Variants in CPA6 observed in about 807,000 individuals in gnomAD.
The protein encoded by CPA6 is carboxypeptidase B.
In CPA6, 58 loss-of-function variants were observed where a neutral mutation model predicts 63.3. The ratio of observed to expected loss-of-function variants is 0.92; its 90% CI spans 0.74 to 1.14. CPA6 has a LOEUF of 1.14. CPA6 is among the 50% of genes most tolerant of loss of function. The pLI is 0.00. For missense variants in CPA6, 565 were observed against 526.6 expected (o/e 1.07, Z -0.71); for synonymous variants, 185 against 179.0 (o/e 1.03, Z -0.27).
chr8:67,670,736 C>T (rs887740539), intron 1 of CPA6, among the ~76,000 whole-genome samples: 5 of 152,064 alleles, frequency 3.3e-5, no homozygotes, highest in African/African-American at 7.2e-5. Context: ...TGTACAAAGA[C>T]GCAAATCAAC....
At chr8:67,721,875 A>G (rs1332341806) in intron 1 of CPA6, among the ~76,000 whole-genome samples, 2 of 152,222 alleles carry the variant, frequency 1.3e-5, no homozygotes, top group Admixed American at 6.5e-5. Context: ...TTCTCCGTAC[A>G]TAGGGAACCT....
chr8:67,734,571 C>CT (rs555966942), intron 1 of CPA6, among the ~76,000 whole-genome samples: 4 of 152,130 alleles, frequency 2.6e-5, no homozygotes, highest in Non-Finnish European at 5.9e-5. Flanking sequence ...CATATGTATC[C>CT]TTTTTTCTGC....
intron 2 of CPA6, among the ~76,000 whole-genome samples, chr8:67,583,020 T>C (rs1434056755): frequency 6.6e-6 from 1 of 152,158 alleles, no homozygotes; most frequent in Non-Finnish European, 1.5e-5. Context: ...AACATGAGGA[T>C]CAAGTATTGA....
At chr8:67,448,728 T>A (rs1466366541) in intron 8 of CPA6, among the ~76,000 whole-genome samples, 1 of 150,710 alleles carries the variant, frequency 6.6e-6, no homozygotes, top group Non-Finnish European at 1.5e-5. Flanking sequence ...AAAGAAAGTT[T>A]TCCCTATCCT....
chr8:67,707,882 C>A (rs1028632522), intron 1 of CPA6, among the ~76,000 whole-genome samples: 2 of 151,042 alleles, frequency 1.3e-5, no homozygotes, highest in Admixed American at 1.3e-4. Flanking sequence ...CCACTGTACT[C>A]CAGCCTGGGC....
At chr8:67,642,379 A>T (rs1171274165) in intron 1 of CPA6, among the ~76,000 whole-genome samples, 1 of 152,176 alleles carries the variant, frequency 6.6e-6, no homozygotes, top group East Asian at 1.9e-4. Context: ...GACACACCAT[A>T]TTCACATATT....
At chr8:67,629,150 CA>C (rs199756166) in intron 1 of CPA6, among the ~76,000 whole-genome samples, 8,014 of 151,394 alleles carry the variant, frequency 0.053, 465 homozygotes, top group African/African-American at 0.15. Context: ...AAAAAACAAA[CA>C]AAAAAAATCA....
chr8:67,641,854 G>C (rs975251805), intron 1 of CPA6, among the ~76,000 whole-genome samples: 1 of 151,954 alleles, frequency 6.6e-6, no homozygotes, highest in Non-Finnish European at 1.5e-5. Context: ...ACTAGTGAGA[G>C]AATTAGCATG....
At chr8:67,739,685 G>A (rs1331725377) in intron 1 of CPA6, among the ~76,000 whole-genome samples, 2 of 152,182 alleles carry the variant, frequency 1.3e-5, no homozygotes. Flanking sequence ...GTTTCAGGGT[G>A]TAGGATAAGT....
intron 2 of CPA6, among the ~76,000 whole-genome samples, chr8:67,541,799 T>C (rs924980577): frequency 6.6e-6 from 1 of 152,208 alleles, no homozygotes; most frequent in African/African-American, 2.4e-5. Flanking sequence ...CAGCCCACCC[T>C]GCTTTGGCTC....
chr8:67,725,192 T>A (rs1207995236), intron 1 of CPA6, among the ~76,000 whole-genome samples: 1 of 152,226 alleles, frequency 6.6e-6, no homozygotes, highest in African/African-American at 2.4e-5. Flanking sequence ...ATATCATAGC[T>A]GTTGTAAGAG....
chr8:67,500,043 C>A (rs1300482383), intron 6 of CPA6, among the ~76,000 whole-genome samples: 1 of 152,144 alleles, frequency 6.6e-6, no homozygotes, highest in African/African-American at 2.4e-5. Context: ...TACAGTAGTT[C>A]CATGCCTAGT....
At position 67,487,623 on chromosome 8, in the gene CPA6, C is replaced by T. The variant is rs368074918; in HGVS notation, c.637-2834G>A. On this transcript the variant is annotated intron_variant, in intron 6 of 10. Transcript: ENST00000297770. ...TTCTAGTTCTAGATCCTTGAGGAAT[C>T]GCCACATTGTCTTCCACAATCGTTG... is the stretch of plus-strand genomic sequence containing the variant. 2.2e-4 allele frequency among the ~76,000 whole-genome samples: 33 copies of T among 152,296 alleles called. No individual in the cohort carries two copies. The East Asian group carries it at 4.0e-3, about 19-fold the overall frequency.
intron 1 of CPA6, among the ~76,000 whole-genome samples, chr8:67,723,372 G>A (rs1817538236): frequency 6.6e-6 from 1 of 152,154 alleles, no homozygotes; most frequent in African/African-American, 2.4e-5. Context: ...TCACCATGTT[G>A]CCTAGACTTG....
chr8:67,508,045 G>T (rs1478578658), intron 5 of CPA6, among the ~76,000 whole-genome samples: 1 of 148,412 alleles, frequency 6.7e-6, no homozygotes, highest in Non-Finnish European at 1.5e-5. Context: ...GTGTGTGTGT[G>T]TGTCTGTTTG....
intron 1 of CPA6, among the ~76,000 whole-genome samples, chr8:67,671,750 T>A (rs1816348137): frequency 6.6e-6 from 1 of 152,250 alleles, no homozygotes; most frequent in Non-Finnish European, 1.5e-5. Context: ...TCTTTTGCAG[T>A]GATCTGCAAA....
At chr8:67,610,402 A>G (rs1299777951) in intron 2 of CPA6, among the ~76,000 whole-genome samples, 1 of 152,126 alleles carries the variant, frequency 6.6e-6, no homozygotes, top group Non-Finnish European at 1.5e-5. Flanking sequence ...AGAGAAAAAA[A>G]ATACCATACT....
intron 2 of CPA6, among the ~76,000 whole-genome samples, chr8:67,529,825 C>T (rs993618451): frequency 5.9e-5 from 9 of 152,112 alleles, no homozygotes; most frequent in South Asian, 4.1e-4. Context: ...CCAAGAAGTC[C>T]ACTCTTTGAC....
rs548285789 is a variant in CPA6, at chr8:67,528,572, T to C, written c.193-10525A>G. 5.9e-5 allele frequency among the ~76,000 whole-genome samples: 9 copies of C among 152,180 alleles called. No individual in the cohort carries two copies. In the East Asian group the frequency reaches 1.7e-3, roughly 30 times the overall value. ...CCAGTCTAGACATAGACCCTCCAGA[T>C]TCCCATTCTTTGCCTCATAAACCAG... On this transcript the variant is annotated intron_variant, in intron 2 of 10. Coordinates refer to ENST00000297770, the MANE Select transcript of CPA6 (RefSeq NM_020361.5).
Sources: allele counts gnomAD v4.1 joint callset (sites outside exome capture counted in the v4.1 genomes callset), GRCh38; gene constraint gnomAD v4.1.1; transcripts MANE v1.5; gene names NCBI Gene and HGNC (gene_info 2026-07-23, HGNC 2026-07-21).